NPFFR1: variants seen among roughly 807,000 people sequenced by gnomAD.
The protein encoded by NPFFR1 is G-protein coupled receptor 147.
A neutral mutation model predicts 12.7 loss-of-function variants in NPFFR1; 17 were observed. The ratio of observed to expected loss-of-function variants is 1.34; its 90% CI spans 0.92 to 2.01. The LOEUF (loss-of-function observed/expected upper bound fraction) is 2.01, where lower values mean the gene tolerates loss of function less well. NPFFR1 is among the 30% of genes most tolerant of loss of function. The pLI, the probability that NPFFR1 is intolerant of heterozygous loss-of-function variation, is 0.00. For missense variants in NPFFR1, 604 were observed against 606.5 expected (o/e 1.00, Z 0.04); for synonymous variants, 296 against 264.5 (o/e 1.12, Z -1.16).
intron 2 of NPFFR1, among the ~76,000 whole-genome samples, chr10:70,264,939 GGTATGCATGTATTTATGT>G (rs1840674802): frequency 1.3e-5 from 2 of 152,348 alleles, no homozygotes; most frequent in Non-Finnish European, 1.5e-5. Context: ...ACTGTTGACT[GGTATGCATGTATTTATGT>G]GTATGCATGT....
chr10:70,283,045 A>G (rs972556758), intron 1 of NPFFR1, among the ~76,000 whole-genome samples: 2 of 152,152 alleles, frequency 1.3e-5, no homozygotes, highest in African/African-American at 4.8e-5. Flanking sequence ...GCTAATAGCC[A>G]AGCTGTCCTC....
At chr10:70,276,110 G>T (rs538708680) in intron 1 of NPFFR1, among the ~76,000 whole-genome samples, 2 of 152,294 alleles carry the variant, frequency 1.3e-5, no homozygotes, top group East Asian at 3.9e-4. Context: ...AGGGATCCTT[G>T]ATTTGGAAGG....
At chr10:70,256,469 G>A (rs1840574131) in intron 3 of NPFFR1, among the ~76,000 whole-genome samples, 1 of 152,206 alleles carries the variant, frequency 6.6e-6, no homozygotes, top group South Asian at 2.1e-4. Context: ...GGACGATTAG[G>A]TGCGTCAAAT....
intron 1 of NPFFR1, among the ~76,000 whole-genome samples, chr10:70,274,007 TC>T (rs1840775836): frequency 6.6e-6 from 1 of 152,000 alleles, no homozygotes; most frequent in East Asian, 1.9e-4. Context: ...CCCACCTCCC[TC>T]CCCAACACCA....
At chr10:70,263,668 A>G (rs181157595) in intron 2 of NPFFR1, among the ~76,000 whole-genome samples, 17 of 152,334 alleles carry the variant, frequency 1.1e-4, no homozygotes, top group Non-Finnish European at 2.1e-4. Flanking sequence ...TGGAATAGGT[A>G]TATAGAAGGA....
chr10:70,272,781 G>C (rs1392013707), intron 1 of NPFFR1, among the ~76,000 whole-genome samples: 3 of 152,150 alleles, frequency 2.0e-5, no homozygotes, highest in African/African-American at 7.2e-5. Flanking sequence ...CCTAGTGAGG[G>C]ACCCGCCCCC....
At chr10:70,278,567 C>T (rs186739201) in intron 1 of NPFFR1, among the ~76,000 whole-genome samples, 15 of 152,228 alleles carry the variant, frequency 9.9e-5, no homozygotes, top group African/African-American at 3.4e-4. Flanking sequence ...TAATTAATGT[C>T]ATATCAGGGT....
intron 3 of NPFFR1, among the ~76,000 whole-genome samples, chr10:70,256,072 CTTTT>C (rs60840539): frequency 2.2e-5 from 3 of 137,780 alleles, no homozygotes; most frequent in Non-Finnish European, 4.7e-5. Flanking sequence ...CACTTTTCTC[CTTTT>C]TTTTTTTTTT....
At chr10:70,278,005 C>T (rs1344225544) in intron 1 of NPFFR1, 2 of 519,346 alleles carry the variant, frequency 3.9e-6, no homozygotes, top group Non-Finnish European at 7.7e-6. Context: ...ATTATCTTTT[C>T]TGTCCCCTAG....
chr10:70,262,440 T>C (rs1226224577), intron 2 of NPFFR1, among the ~76,000 whole-genome samples: 1 of 152,226 alleles, frequency 6.6e-6, no homozygotes, highest in Non-Finnish European at 1.5e-5. Context: ...ACAAATTCTG[T>C]ACTGTCATTA....
At chr10:70,269,266 C>T (rs1165962107) in intron 1 of NPFFR1, among the ~76,000 whole-genome samples, 1 of 152,134 alleles carries the variant, frequency 6.6e-6, no homozygotes, top group African/African-American at 2.4e-5. Flanking sequence ...AAGCAATCCT[C>T]CCGCCTCGGC....
chr10:70,283,437 T>G (rs1271485656), intron 1 of NPFFR1, among the ~76,000 whole-genome samples: 2 of 151,984 alleles, frequency 1.3e-5, no homozygotes, highest in African/African-American at 4.8e-5. Context: ...TCTGTCTGTC[T>G]GTTTTTCTGT....
chr10:70,282,402 C>T (rs993108965), intron 1 of NPFFR1, among the ~76,000 whole-genome samples: 1 of 152,200 alleles, frequency 6.6e-6, no homozygotes, highest in Non-Finnish European at 1.5e-5. Context: ...TTTGCTAACG[C>T]CATTCTTACA....
chr10:70,258,633 T>C (rs918593747), intron 3 of NPFFR1, among the ~76,000 whole-genome samples: 5 of 152,164 alleles, frequency 3.3e-5, no homozygotes, highest in African/African-American at 1.2e-4. Context: ...CTTGAGACAT[T>C]TCAAATGCTT....
chr10:70,277,175 G>T (rs1291981983), intron 1 of NPFFR1, among the ~76,000 whole-genome samples: 1 of 152,236 alleles, frequency 6.6e-6, no homozygotes, highest in South Asian at 2.1e-4. Context: ...CCCAGCAGCA[G>T]CTGAGACCCT....
intron 2 of NPFFR1, among the ~76,000 whole-genome samples, chr10:70,263,342 C>T (rs540525086): frequency 3.3e-4 from 50 of 152,270 alleles, no homozygotes; most frequent in Admixed American, 7.8e-4. Context: ...GGCGTGATCT[C>T]GCTCATTGCA....
intron 3 of NPFFR1, among the ~76,000 whole-genome samples, chr10:70,257,829 G>C (rs141071564): frequency 6.6e-6 from 1 of 152,238 alleles, no homozygotes; most frequent in Non-Finnish European, 1.5e-5. Context: ...GTTTGCAGCA[G>C]TGCTGCCTTG....
intron 1 of NPFFR1, among the ~76,000 whole-genome samples, chr10:70,270,925 A>G (rs557011993): frequency 1.3e-5 from 2 of 152,288 alleles, no homozygotes; most frequent in East Asian, 3.9e-4. Context: ...ATAGTTCTCA[A>G]AGAGGGGTCC....
rs1210451824 is a variant in NPFFR1 at position 70,250,275 on chromosome 10, A to G, written c.*4682T>C. 6.6e-6 allele frequency: 1 copy of G among 152,224 alleles called. No homozygotes were observed. Among genetic ancestry groups the G allele is most frequent in the Non-Finnish European group, 1.5e-5 (1 of 68,048 alleles). The allele number at this position is 152,224 out of a possible 1,614,324, so 9.4% of individuals were successfully genotyped here. A position where few individuals can be genotyped will look rare whatever the true frequency, so the allele number is the denominator to read the frequency against. On this transcript the variant is annotated 3_prime_UTR_variant, in exon 4 of 4. Transcript: ENST00000277942. ...AGGATGTAGAACAACTGGAACATTC[A>G]TACACTGCTGATGGGAGTACAAAAT... is the stretch of plus-strand genomic sequence containing the variant.
Sources: gnomAD v4.1 joint callset for allele counts (sites outside exome capture counted in the v4.1 genomes callset) on GRCh38, gnomAD v4.1.1 for gene constraint, MANE v1.5 for transcripts, NCBI Gene and HGNC (gene_info 2026-07-23, HGNC 2026-07-21) for gene names.